PTPN22: variants seen among roughly 807,000 people sequenced by gnomAD.
PTPN22 encodes tyrosine-protein phosphatase non-receptor type 22.
PTPN22 carries 85 observed loss-of-function variants against 103.3 expected under a neutral mutation model. The observed-to-expected ratio is 0.82, with a 90% CI of 0.69 to 0.99. The LOEUF (loss-of-function observed/expected upper bound fraction) is 0.99, where lower values mean the gene tolerates loss of function less well. PTPN22 is among the 50% of genes least tolerant of loss of function. The pLI is 0.00. For missense variants in PTPN22, 865 were observed against 936.9 expected, an observed-to-expected ratio of 0.92 and a Z score of 1.00; for synonymous variants, 323 against 310.2, an observed-to-expected ratio of 1.04 and a Z score of -0.43.
chr1:113,830,009 A>C, exon 17 of PTPN22: 1 of 1,604,838 alleles, frequency 6.2e-7, no homozygotes, highest in Non-Finnish European at 8.5e-7. Flanking sequence ...GGTGGGGGAG[A>C]AGAACGATCT....
intron 20 of PTPN22, 49 bp downstream of exon 20, chr1:113,819,528 G>A: frequency 7.2e-7 from 1 of 1,388,848 alleles, no homozygotes; most frequent in Non-Finnish European, 1.0e-6. Context: ...TACTGTAAAT[G>A]AGTAATTTAG....
chr1:113,845,417 G>T (rs1469477613), intron 11 of PTPN22, among the ~76,000 whole-genome samples: 1 of 151,792 alleles, frequency 6.6e-6, no homozygotes, highest in African/African-American at 2.4e-5. Context: ...TGACCAGGCT[G>T]GTCTCAAATT....
At chr1:113,843,433 A>G (rs1046119706) in intron 11 of PTPN22, among the ~76,000 whole-genome samples, 2 of 152,186 alleles carry the variant, frequency 1.3e-5, no homozygotes, top group Non-Finnish European at 2.9e-5. Context: ...GCCAGACACA[A>G]AAGGACAAAT....
intron 19 of PTPN22, among the ~76,000 whole-genome samples, chr1:113,821,148 G>A (rs1291602177): frequency 6.6e-6 from 1 of 152,136 alleles, no homozygotes; most frequent in East Asian, 1.9e-4. Flanking sequence ...TCTGTATACT[G>A]CATAGGAGCT....
At chr1:113,848,414 C>T in intron 11 of PTPN22, 126 bp downstream of exon 11, 1 of 1,295,798 alleles carries the variant, frequency 7.7e-7, no homozygotes, top group Non-Finnish European at 1.1e-6. Context: ...TTCAGTGCAG[C>T]CCTATGCACA....
intron 1 of PTPN22, among the ~76,000 whole-genome samples, chr1:113,867,235 C>A (rs1470196754): frequency 6.6e-6 from 1 of 152,268 alleles, no homozygotes; most frequent in South Asian, 2.1e-4. Flanking sequence ...TATGTCCTTA[C>A]CCTAAAACTT....
rs1441282887 is a variant in PTPN22 at position 113,862,776 on chromosome 1, A to G, written c.88-3316T>C. ...GGTAGTTCCTCAGTGCCTTGCAAATATAGGTCAGTATTATACCAAGCCTCC... is the reference window on the plus strand; with the variant it reads ...GGTAGTTCCTCAGTGCCTTGCAAATGTAGGTCAGTATTATACCAAGCCTCC... On this transcript the variant is annotated intron_variant, in intron 1 of 20. Coordinates refer to ENST00000359785, the Ensembl canonical transcript of PTPN22. Among the ~76,000 whole-genome samples, 8 of 152,328 alleles carry G rather than the reference A, an allele frequency of 5.3e-5. No homozygotes were observed. In the South Asian group the frequency reaches 1.5e-3, roughly 28 times the overall value.
chr1:113,837,669 A>G, exon 13 of PTPN22: 1 of 1,605,016 alleles, frequency 6.2e-7, no homozygotes, highest in South Asian at 1.1e-5. Context: ...GTGAATTGTA[A>G]TAAGAGAAGA....
At chr1:113,871,399 C>CTTTT in intron 1 of PTPN22, 138 bp downstream of exon 1, 2 of 596,346 alleles carry the variant, frequency 3.4e-6, no homozygotes. Flanking sequence ...AGAAGTCAAA[C>CTTTT]TTTTTTTTTT....
At chr1:113,815,772 G>T in intron 20 of PTPN22, among the ~76,000 whole-genome samples, 1 of 152,264 alleles carries the variant, frequency 6.6e-6, no homozygotes, top group Middle Eastern at 3.4e-3. Context: ...TCCGCCTCCC[G>T]GGTTCAAGCG....
intron 11 of PTPN22, among the ~76,000 whole-genome samples, chr1:113,844,597 A>T (rs1459840111): frequency 6.6e-6 from 1 of 152,186 alleles, no homozygotes; most frequent in Non-Finnish European, 1.5e-5. Flanking sequence ...TTTCTAATGG[A>T]TGCACTTAGT....
At position 113,819,610 on chromosome 1, in the gene PTPN22, G is replaced by A. The variant is rs769647640; in HGVS notation, c.2326C>T (p.Gln776Ter). The A allele has an allele frequency of 1.9e-6, 3 of 1,607,762 alleles. No homozygotes were observed. Among genetic ancestry groups the A allele is most frequent in the Non-Finnish European group, 2.6e-6 (3 of 1,175,946 alleles). The change falls in exon 20 of 21, where the codon CAG becomes TAG. Residue 776 changes from glutamine (Q) to a stop codon, truncating the protein, a stop_gained. Transcript: ENST00000359785. LOFTEE classifies it high-confidence loss of function. ...AGAAATGAGCTGGAGTTATTTGACT[G>A]AACAGATTCTGCAGGCTTGTTTGGT...
chr1:113,823,410 G>A (rs1661783299), intron 19 of PTPN22: 1 of 152,230 alleles, frequency 6.6e-6, no homozygotes, highest in Non-Finnish European at 1.5e-5. Flanking sequence ...GGAAGGGGCT[G>A]AGGACACATA....
chr1:113,848,485 T>C, intron 11 of PTPN22, 55 bp downstream of exon 11: 2 of 1,606,348 alleles, frequency 1.2e-6, no homozygotes, highest in Non-Finnish European at 1.7e-6. Flanking sequence ...TGACATCCCT[T>C]GACCAAAAGC....
At chr1:113,852,042 T>C (rs1301150942) in exon 10 of PTPN22, 7 of 1,608,756 alleles carry the variant, frequency 4.4e-6, no homozygotes, top group Admixed American at 1.7e-5. Flanking sequence ...TTTGAACTAA[T>C]GAAGGCCTCT....
intron 14 of PTPN22, 87 bp downstream of exon 14, chr1:113,834,823 C>T (rs1662840515): frequency 1.8e-6 from 2 of 1,089,738 alleles, no homozygotes; most frequent in Non-Finnish European, 2.7e-6. Context: ...AAGGCTCACA[C>T]ATCAGCTTCC....
At chr1:113,864,640 G>A (rs1665957510) in intron 1 of PTPN22, among the ~76,000 whole-genome samples, 1 of 149,662 alleles carries the variant, frequency 6.7e-6, no homozygotes, top group Non-Finnish European at 1.5e-5. Flanking sequence ...AAAAGGCCAG[G>A]CATGGTGGCT....
chr1:113,848,609 G>A (rs1234169940), exon 11 of PTPN22: 4 of 1,613,204 alleles, frequency 2.5e-6, no homozygotes, highest in Non-Finnish European at 8.5e-7. Flanking sequence ...CAGCATTGTA[G>A]ACCAGTTCAT....
chr1:113,847,111 A>G (rs565085667), intron 11 of PTPN22, among the ~76,000 whole-genome samples: 65 of 138,682 alleles, frequency 4.7e-4, no homozygotes, highest in Non-Finnish European at 8.6e-4. Context: ...TTTTCAATTC[A>G]TTAATTCTTT....
Sources: gnomAD v4.1 joint callset for allele counts (sites outside exome capture counted in the v4.1 genomes callset) on GRCh38, gnomAD v4.1.1 for gene constraint, MANE v1.5 for transcripts, NCBI Gene and HGNC (gene_info 2026-07-23, HGNC 2026-07-21) for gene names.